CCDC102B: variants seen among roughly 807,000 people sequenced by gnomAD.
CCDC102B encodes coiled-coil domain containing 102B.
In CCDC102B, 75 loss-of-function variants were observed where a neutral mutation model predicts 57.4. The ratio of observed to expected loss-of-function variants is 1.31; its 90% confidence interval spans 1.08 to 1.58. The LOEUF (loss-of-function observed/expected upper bound fraction) is 1.58. Among genes scored for constraint, CCDC102B ranks in the 40% most tolerant of loss-of-function variants. CCDC102B has a pLI of 0.00. For synonymous variants in CCDC102B, 206 were observed against 201.9 expected (o/e 1.02, Z -0.17); for missense variants, 636 against 582.6 (o/e 1.09, Z -0.94).
Position 68,950,302 on chromosome 18 carries a change from T to G in CCDC102B, c.1263+52874T>G, listed in dbSNP as rs181186422. ...GTGTAGACAGTAGTATATTTCAGAG[T>G]ATCCAGAGCTTAAGACTCAATCTAC... On this transcript the variant is annotated intron_variant, in intron 6 of 7. Coordinates refer to ENST00000360242, the MANE Select transcript of CCDC102B (RefSeq NM_024781.3). Among the ~76,000 whole-genome samples the G allele has an allele frequency of 1.9e-3, 282 of 152,228 alleles. 1 individual carries two copies. Among genetic ancestry groups the G allele is most frequent in the African/African-American group, 6.2e-3 (259 of 41,560 alleles).
At position 68,837,270 on chromosome 18, in the gene CCDC102B, A is replaced by C; in HGVS notation, c.507A>C (p.Glu169Asp). Residue 169 changes from glutamate to aspartate, a missense_variant, in exon 2 of 8, where the codon GAA becomes GAC. Physicochemically the swap from Glu to Asp is conservative, Grantham distance 45. Transcript: ENST00000360242. The part of the protein sequence containing the change: ...KLPGFVEESC[E>D]HTDQFQLSSQ... ...CTGGCTTCGTAGAAGAATCCTGTGA[A>C]CATACAGACCAATTTCAATTGAGTT... 1 of 1,614,180 alleles carries C rather than the reference A, an allele frequency of 6.2e-7. No homozygotes were observed. Among genetic ancestry groups the C allele is most frequent in the Non-Finnish European group, 8.5e-7 (1 of 1,180,022 alleles).
chr18:68,864,760 C>G (rs573219198), intron 4 of CCDC102B, among the ~76,000 whole-genome samples: 3 of 152,062 alleles, frequency 2.0e-5, no homozygotes, highest in Admixed American at 1.3e-4. Context: ...AATTTTTGTA[C>G]TGATAATAAA....
intron 5 of CCDC102B, among the ~76,000 whole-genome samples, chr18:68,889,759 T>C (rs1462398975): frequency 1.3e-5 from 2 of 152,158 alleles, no homozygotes; most frequent in African/African-American, 2.4e-5. Context: ...TGTTTTAAGC[T>C]ACCTAGTCTA....
chr18:69,003,601 T>G (rs758207795), intron 6 of CCDC102B, among the ~76,000 whole-genome samples: 71 of 152,330 alleles, frequency 4.7e-4, no homozygotes, highest in Non-Finnish European at 9.0e-4. Context: ...ACCTGATACC[T>G]ATGCTTCTGA....
chr18:68,778,881 G>GAA (rs10652625), intron 2 of CCDC102B, among the ~76,000 whole-genome samples: 9,350 of 132,914 alleles, frequency 0.07, 587 homozygotes, highest in African/African-American at 0.17. Context: ...AAGAAAACCA[G>GAA]AAAAAAAAAA....
At chr18:69,015,233 A>G (rs2051634480) in intron 7 of CCDC102B, among the ~76,000 whole-genome samples, 2 of 152,184 alleles carry the variant, frequency 1.3e-5, no homozygotes, top group African/African-American at 4.8e-5. Flanking sequence ...TTTAACACAC[A>G]AAACCTTATA....
At position 69,054,179 on chromosome 18, in the gene CCDC102B, A is replaced by G. The variant is rs1401247048; in HGVS notation, c.*42A>G. ...GCTGAATTAAAGATTAGGGCCTTAA[A>G]GACATTTCCATATCCTTTTCTTAAA... On this transcript the variant is annotated 3_prime_UTR_variant, in exon 8 of 8. Transcript: ENST00000360242. The G allele has an allele frequency of 4.5e-6, 7 of 1,544,358 alleles. No individual in the cohort carries two copies. The highest frequency in any genetic ancestry group is 6.1e-6 in the Non-Finnish European group (7 of 1,154,016).
At chr18:68,724,406 G>A (rs573795448) in intron 2 of CCDC102B, among the ~76,000 whole-genome samples, 1 of 152,002 alleles carries the variant, frequency 6.6e-6, no homozygotes, top group African/African-American at 2.4e-5. Flanking sequence ...CTATCCTATC[G>A]TCAGGCTGCA....
chr18:68,758,671 C>T (rs1297339448), intron 2 of CCDC102B, among the ~76,000 whole-genome samples: 1 of 150,798 alleles, frequency 6.6e-6, no homozygotes, highest in Non-Finnish European at 1.5e-5. Context: ...AGAAAAAAAT[C>T]ATGATATCTA....
chr18:68,831,396 A>T (rs1181998228), intron 1 of CCDC102B, among the ~76,000 whole-genome samples: 1 of 152,138 alleles, frequency 6.6e-6, no homozygotes, highest in African/African-American at 2.4e-5. Context: ...CAATTCTTTA[A>T]AATAGAGGTA....
chr18:68,987,039 A>G (rs1295304658), intron 6 of CCDC102B, among the ~76,000 whole-genome samples: 1 of 152,192 alleles, frequency 6.6e-6, no homozygotes, highest in Non-Finnish European at 1.5e-5. Context: ...CAAACTATCA[A>G]TGTCATTTTT....
intron 5 of CCDC102B, among the ~76,000 whole-genome samples, chr18:68,896,154 CA>C (rs375880306): frequency 6.6e-6 from 1 of 151,740 alleles, no homozygotes; most frequent in African/African-American, 2.4e-5. Flanking sequence ...AATTTAGAGA[CA>C]AAAAAGCTAC....
intron 3 of CCDC102B, among the ~76,000 whole-genome samples, chr18:68,843,489 T>C (rs1007931013): frequency 6.6e-6 from 1 of 152,084 alleles, no homozygotes; most frequent in Non-Finnish European, 1.5e-5. Flanking sequence ...CCAATTATTG[T>C]GGAATTGTGA....
intron 1 of CCDC102B, among the ~76,000 whole-genome samples, chr18:68,804,248 T>A (rs1266010687): frequency 6.6e-6 from 1 of 152,170 alleles, no homozygotes; most frequent in South Asian, 2.1e-4. Context: ...GTGCATTTAT[T>A]GACACAGGGA....
At chr18:68,873,702 AAC>A (rs1487405458) in intron 4 of CCDC102B, among the ~76,000 whole-genome samples, 7 of 152,198 alleles carry the variant, frequency 4.6e-5, no homozygotes, top group Non-Finnish European at 7.4e-5. Context: ...TATTACTAAT[AAC>A]AACATTATGA....
At chr18:68,872,284 C>A (rs1222049081) in intron 4 of CCDC102B, among the ~76,000 whole-genome samples, 2 of 152,012 alleles carry the variant, frequency 1.3e-5, no homozygotes, top group African/African-American at 4.8e-5. Flanking sequence ...TTAAAAATTG[C>A]CAGCATTGCA....
At chr18:68,834,062 A>T (rs923178191) in intron 1 of CCDC102B, among the ~76,000 whole-genome samples, 44 of 152,240 alleles carry the variant, frequency 2.9e-4, no homozygotes, top group Non-Finnish European at 5.7e-4. Context: ...TCTCATCTCA[A>T]GCAAGTTTTC....
chr18:68,842,482 T>C (rs182111804), intron 3 of CCDC102B, among the ~76,000 whole-genome samples: 19 of 152,204 alleles, frequency 1.2e-4, no homozygotes, highest in Admixed American at 1.2e-3. Context: ...TGCCAGTAAG[T>C]CTCTACCAGG....
At chr18:68,847,819 C>G (rs558952100) in intron 4 of CCDC102B, among the ~76,000 whole-genome samples, 1 of 151,530 alleles carries the variant, frequency 6.6e-6, no homozygotes, top group Non-Finnish European at 1.5e-5. Flanking sequence ...AAATGAACCA[C>G]AAAGTTGAAT....
Sources: gnomAD v4.1 joint callset for allele counts (sites outside exome capture counted in the v4.1 genomes callset) on GRCh38, gnomAD v4.1.1 for gene constraint, MANE v1.5 for transcripts, NCBI Gene and HGNC (gene_info 2026-07-23, HGNC 2026-07-21) for gene names.